Variants in MIPEP observed in about 807,000 individuals in gnomAD.
MIPEP encodes mitochondrial intermediate peptidase.
MIPEP carries 79 observed loss-of-function variants against 90.3 expected under a neutral mutation model. That is an observed-to-expected ratio of 0.87 (90% CI 0.73 to 1.05). The LOEUF is 1.05. Ranked by LOEUF, MIPEP falls within the 50% of genes least tolerant of loss-of-function variation. The probability of loss-of-function intolerance (pLI) is 0.00; values close to 1 mark genes in which losing one functional copy is unlikely to be tolerated. For missense variants in MIPEP, 940 were observed against 905.6 expected, an observed-to-expected ratio of 1.04 and a Z score of -0.49; for synonymous variants, 334 against 315.8, an observed-to-expected ratio of 1.06 and a Z score of -0.61.
intron 14 of MIPEP, among the ~76,000 whole-genome samples, chr13:23,835,082 G>A (rs555067503): frequency 1.7e-4 from 26 of 149,040 alleles, no homozygotes; most frequent in African/African-American, 2.5e-4. Flanking sequence ...GTGCAGTGGC[G>A]CAATGTCGGC....
chr13:23,752,925 A>C (rs1385077090), intron 18 of MIPEP, among the ~76,000 whole-genome samples: 1 of 152,122 alleles, frequency 6.6e-6, no homozygotes, highest in African/African-American at 2.4e-5. Context: ...AAGGAGAAGC[A>C]GATTAAAAAG....
chr13:23,816,017 G>A (rs564287940), intron 14 of MIPEP, among the ~76,000 whole-genome samples: 84 of 152,276 alleles, frequency 5.5e-4, no homozygotes, highest in African/African-American at 2.0e-3. Context: ...TGAACGAAAA[G>A]TCTACTGTAA....
chr13:23,807,722 T>C (rs1341048436), intron 15 of MIPEP, among the ~76,000 whole-genome samples: 4 of 152,212 alleles, frequency 2.6e-5, no homozygotes, highest in Admixed American at 2.6e-4. Context: ...GAGTAAATTA[T>C]CAGGAACTGA....
intron 18 of MIPEP, chr13:23,747,408 C>G: frequency 2.6e-6 from 1 of 377,874 alleles, no homozygotes; most frequent in Non-Finnish European, 5.3e-6. Context: ...GACCCCCTTT[C>G]TTCTAGTGGT....
intron 18 of MIPEP, among the ~76,000 whole-genome samples, chr13:23,750,844 G>A (rs138008505): frequency 6.6e-6 from 1 of 152,276 alleles, no homozygotes; most frequent in African/African-American, 2.4e-5. Flanking sequence ...TGATTTATTT[G>A]GCTGCTGGAG....
chr13:23,879,923 G>A (rs1230826079), intron 3 of MIPEP, among the ~76,000 whole-genome samples: 1 of 152,094 alleles, frequency 6.6e-6, no homozygotes, highest in Non-Finnish European at 1.5e-5. Flanking sequence ...AGAGCAAAGG[G>A]CCCAATGCTG....
intron 16 of MIPEP, among the ~76,000 whole-genome samples, chr13:23,770,414 T>C (rs530103914): frequency 6.6e-6 from 1 of 152,242 alleles, no homozygotes; most frequent in South Asian, 2.1e-4. Flanking sequence ...CCTTCTCTGA[T>C]GAGTAAAAAA....
chr13:23,811,003 A>G (rs182737215), intron 14 of MIPEP, among the ~76,000 whole-genome samples: 142 of 152,344 alleles, frequency 9.3e-4, no homozygotes, highest in African/African-American at 3.2e-3. Context: ...AGAAAGCTAC[A>G]TAGTGTGAAT....
At chr13:23,886,832 A>AATATAT (rs3077102) in intron 1 of MIPEP, among the ~76,000 whole-genome samples, 404 of 149,630 alleles carry the variant, frequency 2.7e-3, no homozygotes, top group East Asian at 0.016. Context: ...CATATATGTA[A>AATATAT]ATATATATAT....
intron 14 of MIPEP, among the ~76,000 whole-genome samples, chr13:23,811,167 C>A (rs527538420): frequency 2.6e-5 from 4 of 152,246 alleles, no homozygotes; most frequent in East Asian, 3.9e-4. Context: ...TTTCTTTAAA[C>A]CTTACTTTAT....
At chr13:23,869,056 T>G (rs1290859520) in intron 7 of MIPEP, among the ~76,000 whole-genome samples, 1 of 152,220 alleles carries the variant, frequency 6.6e-6, no homozygotes, top group Non-Finnish European at 1.5e-5. Context: ...AATGAAAATT[T>G]AGGTTATGAT....
chr13:23,745,564 G>A (rs1359108841), intron 18 of MIPEP, among the ~76,000 whole-genome samples: 2 of 152,122 alleles, frequency 1.3e-5, no homozygotes, highest in South Asian at 2.1e-4. Flanking sequence ...ATTCATCAGT[G>A]TATTGCCAAC....
At chr13:23,830,712 C>T (rs1868698126) in intron 14 of MIPEP, among the ~76,000 whole-genome samples, 1 of 152,134 alleles carries the variant, frequency 6.6e-6, no homozygotes, top group Admixed American at 6.5e-5. Flanking sequence ...ACATGGTATC[C>T]TTCAAATGGT....
chr13:23,781,874 G>T (rs1359460455), intron 16 of MIPEP, among the ~76,000 whole-genome samples: 2 of 152,168 alleles, frequency 1.3e-5, no homozygotes, highest in African/African-American at 2.4e-5. Flanking sequence ...CTACATAATG[G>T]TAAAGGGATC....
At chr13:23,863,670 T>A (rs1226446253) in intron 8 of MIPEP, among the ~76,000 whole-genome samples, 1 of 152,136 alleles carries the variant, frequency 6.6e-6, no homozygotes, top group Non-Finnish European at 1.5e-5. Context: ...CAACTTGTTA[T>A]AACAAACGGA....
chr13:23,822,941 A>G (rs946428767), intron 14 of MIPEP, among the ~76,000 whole-genome samples: 3 of 151,436 alleles, frequency 2.0e-5, no homozygotes, highest in Admixed American at 6.6e-5. Context: ...GCTGGAGTGC[A>G]GTGGCATGAT....
chr13:23,817,437 C>T (rs1953253293), intron 14 of MIPEP, among the ~76,000 whole-genome samples: 2 of 152,138 alleles, frequency 1.3e-5, no homozygotes, highest in Admixed American at 1.3e-4. Flanking sequence ...CAACTCCCTC[C>T]ACTCCCTCAT....
chr13:23,771,315 G>A (rs1466459235), intron 16 of MIPEP, among the ~76,000 whole-genome samples: 1 of 151,922 alleles, frequency 6.6e-6, no homozygotes, highest in Non-Finnish European at 1.5e-5. Context: ...GTGGACATCA[G>A]ACACCTCTTT....
chr13:23,880,492 G>C (rs1161137504), intron 3 of MIPEP, among the ~76,000 whole-genome samples: 2 of 152,226 alleles, frequency 1.3e-5, no homozygotes, highest in African/African-American at 2.4e-5. Flanking sequence ...GTCTGTATTT[G>C]TCCTCCGACA....
Sources: gnomAD v4.1 joint callset for allele counts (sites outside exome capture counted in the v4.1 genomes callset) on GRCh38, gnomAD v4.1.1 for gene constraint, MANE v1.5 for transcripts, NCBI Gene and HGNC (gene_info 2026-07-23, HGNC 2026-07-21) for gene names.